The following IQCJ variants were observed in gnomAD, a reference collection of about 807,000 sequenced individuals.
The protein encoded by IQCJ is IQ domain-containing protein J.
A neutral mutation model predicts 11.0 loss-of-function variants in IQCJ; 9 were observed. That is an observed-to-expected ratio of 0.82 (90% CI 0.49 to 1.43). The LOEUF (loss-of-function observed/expected upper bound fraction) is 1.43. Among genes scored for constraint, IQCJ ranks in the 40% most tolerant of loss-of-function variants. The pLI is 0.00. For missense variants in IQCJ, 146 were observed against 133.2 expected (o/e 1.10, Z -0.47); for synonymous variants, 55 against 51.3 (o/e 1.07, Z -0.31).
intron 1 of IQCJ, among the ~76,000 whole-genome samples, chr3:159,094,138 TC>T (rs1717544750): frequency 6.6e-6 from 1 of 151,826 alleles, no homozygotes; most frequent in African/African-American, 2.4e-5. Flanking sequence ...CTCCTAGCCA[TC>T]TTCAAAGTGA....
At chr3:159,260,595 G>A (rs1237451191) in intron 3 of IQCJ, among the ~76,000 whole-genome samples, 1 of 152,152 alleles carries the variant, frequency 6.6e-6, no homozygotes, top group African/African-American at 2.4e-5. Context: ...CTGATATAAC[G>A]GGTCTTGAAG....
chr3:159,128,244 G>T (rs1447361235), intron 1 of IQCJ, among the ~76,000 whole-genome samples: 1 of 152,122 alleles, frequency 6.6e-6, no homozygotes, highest in African/African-American at 2.4e-5. Context: ...AGAGAAATTT[G>T]GGAGGCTGTG....
intron 2 of IQCJ, among the ~76,000 whole-genome samples, chr3:159,252,285 T>G (rs189742466): frequency 3.0e-4 from 45 of 152,292 alleles, no homozygotes; most frequent in African/African-American, 1.1e-3. Flanking sequence ...TTGTTCCCAG[T>G]GGAAGCCCTG....
chr3:159,204,378 T>C (rs1724528408), intron 1 of IQCJ, among the ~76,000 whole-genome samples: 1 of 152,334 alleles, frequency 6.6e-6, no homozygotes, highest in Non-Finnish European at 1.5e-5. Flanking sequence ...TTGCACCTGC[T>C]GAGGCTGGAA....
intron 1 of IQCJ, among the ~76,000 whole-genome samples, chr3:159,133,901 T>C (rs951646794): frequency 1.6e-4 from 25 of 151,588 alleles, no homozygotes; most frequent in African/African-American, 6.1e-4. Context: ...AAGCTCTGCT[T>C]AAATGGGTCT....
At chr3:159,170,781 C>A (rs893317120) in intron 1 of IQCJ, among the ~76,000 whole-genome samples, 1 of 152,144 alleles carries the variant, frequency 6.6e-6, no homozygotes, top group African/African-American at 2.4e-5. Flanking sequence ...ACATCCCATG[C>A]ATGGTGGCAA....
At chr3:159,143,420 T>G (rs1720742238) in intron 1 of IQCJ, among the ~76,000 whole-genome samples, 1 of 152,236 alleles carries the variant, frequency 6.6e-6, no homozygotes, top group African/African-American at 2.4e-5. Context: ...TGTTGATCTC[T>G]TTCTTTATCA....
At chr3:159,231,989 T>G (rs545941894) in intron 1 of IQCJ, among the ~76,000 whole-genome samples, 50 of 152,306 alleles carry the variant, frequency 3.3e-4, no homozygotes, top group African/African-American at 1.2e-3. Flanking sequence ...CCCTTAATCA[T>G]TTTTTATTAT....
At chr3:159,241,574 T>A (rs944532433) in intron 1 of IQCJ, among the ~76,000 whole-genome samples, 1 of 152,220 alleles carries the variant, frequency 6.6e-6, no homozygotes, top group African/African-American at 2.4e-5. Context: ...TTTGCTGTAT[T>A]ATATTTTTCC....
intron 1 of IQCJ, among the ~76,000 whole-genome samples, chr3:159,129,668 C>A (rs924892592): frequency 6.6e-6 from 1 of 152,046 alleles, no homozygotes; most frequent in Non-Finnish European, 1.5e-5. Context: ...AAAGAAAAAC[C>A]TCATAATAAA....
chr3:159,233,053 C>T (rs1441740671), intron 1 of IQCJ, among the ~76,000 whole-genome samples: 1 of 152,166 alleles, frequency 6.6e-6, no homozygotes, highest in Non-Finnish European at 1.5e-5. Context: ...AATATAGACA[C>T]TGCAATATAT....
chr3:159,262,232 A>T (rs1164764832), intron 3 of IQCJ, among the ~76,000 whole-genome samples: 1 of 152,272 alleles, frequency 6.6e-6, no homozygotes, highest in Non-Finnish European at 1.5e-5. Context: ...TTGTTGTCTC[A>T]TAAATCAAAG....
chr3:159,261,292 T>A (rs544729474), intron 3 of IQCJ, among the ~76,000 whole-genome samples: 1 of 152,300 alleles, frequency 6.6e-6, no homozygotes, highest in African/African-American at 2.4e-5. Context: ...TAACAACTAG[T>A]CCGCATGAAC....
At chr3:159,159,900 T>C (rs147099786) in intron 1 of IQCJ, among the ~76,000 whole-genome samples, 362 of 152,228 alleles carry the variant, frequency 2.4e-3, no homozygotes, top group Middle Eastern at 0.017. Flanking sequence ...CCCACCATGA[T>C]TGTAAACTTC....
intron 1 of IQCJ, among the ~76,000 whole-genome samples, chr3:159,109,284 A>G (rs963895397): frequency 5.3e-5 from 8 of 152,190 alleles, no homozygotes; most frequent in African/African-American, 1.7e-4. Flanking sequence ...TAATTTGAAT[A>G]TGTAAATCCA....
chr3:159,083,721 T>G, intron 1 of IQCJ, among the ~76,000 whole-genome samples: 1 of 152,196 alleles, frequency 6.6e-6, no homozygotes, highest in East Asian at 1.9e-4. Context: ...TATACTTTAA[T>G]GTGTGACTGG....
intron 1 of IQCJ, among the ~76,000 whole-genome samples, chr3:159,197,463 C>A (rs1261746157): frequency 6.6e-6 from 1 of 152,176 alleles, no homozygotes; most frequent in African/African-American, 2.4e-5. Context: ...AAACACAGGT[C>A]TGGCCATGGC....
chr3:159,258,446 G>C (rs887547166), intron 3 of IQCJ, among the ~76,000 whole-genome samples: 3 of 152,062 alleles, frequency 2.0e-5, no homozygotes, highest in Non-Finnish European at 4.4e-5. Flanking sequence ...TGGTGGATCC[G>C]CAAAACCAAT....
chr3:159,237,600 C>T (rs1381767342), intron 1 of IQCJ, among the ~76,000 whole-genome samples: 1 of 152,224 alleles, frequency 6.6e-6, no homozygotes, highest in Non-Finnish European at 1.5e-5. Flanking sequence ...ACACAGACTT[C>T]ATTTGGAGAA....
Sources: allele counts gnomAD v4.1 joint callset (sites outside exome capture counted in the v4.1 genomes callset), GRCh38; gene constraint gnomAD v4.1.1; transcripts MANE v1.5; gene names NCBI Gene and HGNC (gene_info 2026-07-23, HGNC 2026-07-21).